The following PTPRN2 variants were observed in gnomAD, a reference collection of about 807,000 sequenced individuals.
PTPRN2 encodes the protein protein tyrosine phosphatase receptor type N2.
A neutral mutation model predicts 118.8 loss-of-function variants in PTPRN2; 74 were observed. The ratio of observed to expected loss-of-function variants is 0.62; its 90% CI spans 0.52 to 0.76. The LOEUF is 0.76. Ranked by LOEUF, PTPRN2 falls within the 30% of genes least tolerant of loss-of-function variation. The pLI, the probability that PTPRN2 is intolerant of heterozygous loss-of-function variation, is 0.00. For synonymous variants in PTPRN2, 641 were observed against 608.0 expected (o/e 1.05, Z -0.80); for missense variants, 1,481 against 1,394.4 (o/e 1.06, Z -0.99).
At chr7:158,187,219 T>A (rs1825241067) in intron 5 of PTPRN2, among the ~76,000 whole-genome samples, 1 of 152,190 alleles carries the variant, frequency 6.6e-6, no homozygotes, top group Non-Finnish European at 1.5e-5. Flanking sequence ...CCCAGTGGAA[T>A]AAAATAAAAT....
Position 157,801,739 on chromosome 7 carries a change from C to T in PTPRN2, c.1788+96934G>A, listed in dbSNP as rs889095747. Reference sequence around the variant, plus strand: ...CAGGAGAGGCGGCTGCTGAATGCCTCCACCGAGGGTTCTGGGAAGGAAAAC... The same window carrying T: ...CAGGAGAGGCGGCTGCTGAATGCCTTCACCGAGGGTTCTGGGAAGGAAAAC... On this transcript the variant is annotated intron_variant, in intron 12 of 22. Transcript: ENST00000389418. This position sits in a 1 kb window ranked among gnomAD's most constrained non-coding sequence, Gnocchi z 4.2. Among the ~76,000 whole-genome samples, 1 of 152,172 alleles carries T rather than the reference C, an allele frequency of 6.6e-6. No individual in the cohort carries two copies. The highest frequency in any genetic ancestry group is 2.4e-5 in the African/African-American group (1 of 41,440).
intron 12 of PTPRN2, among the ~76,000 whole-genome samples, chr7:157,724,236 C>A (rs1466307765): frequency 6.6e-6 from 1 of 152,192 alleles, no homozygotes; most frequent in Non-Finnish European, 1.5e-5. Flanking sequence ...TTTAGGCTAC[C>A]CCCACCTGAA....
chr7:158,164,311 G>C (rs1822689458), intron 6 of PTPRN2, among the ~76,000 whole-genome samples: 1 of 147,586 alleles, frequency 6.8e-6, no homozygotes, highest in Non-Finnish European at 1.5e-5. Context: ...CAGAGCAGGA[G>C]CGCGTGCGTA....
chr7:157,672,346 T>A (rs1036760148), intron 13 of PTPRN2, among the ~76,000 whole-genome samples: 8 of 152,206 alleles, frequency 5.3e-5, no homozygotes, highest in Admixed American at 4.6e-4. Flanking sequence ...TGTATATTTG[T>A]TCTCCTTGAA....
intron 9 of PTPRN2, among the ~76,000 whole-genome samples, chr7:158,130,914 C>CACACTCAT (rs1350563331): frequency 1.2e-4 from 18 of 150,866 alleles, no homozygotes; most frequent in African/African-American, 3.9e-4. Flanking sequence ...TACCGACACA[C>CACACTCAT]ACACTCATAC....
rs765446060 is a variant in PTPRN2, at chr7:157,604,002, G to A, written c.2418C>T (p.Ile806=). ...SHSDYINASP[I]MDHDPRNPAY... ...GCCCCTGTCCCGGCAGTGCACTTAC[G>A]ATGGGGCTAGCGTTGATGTAGTCTG... is the stretch of plus-strand genomic sequence containing the variant. The change falls in exon 16 of 23, where the codon ATC becomes ATT. Residue 806 remains isoleucine (I), a splice_region_variant and synonymous_variant. Transcript: ENST00000389418. The A allele has an allele frequency of 1.1e-5, 18 of 1,613,572 alleles. No homozygotes were observed. Among genetic ancestry groups the A allele is most frequent in the Admixed American group, 1.7e-5 (1 of 60,002 alleles).
Position 158,139,461 on chromosome 7 carries a change from G to A in PTPRN2, c.911-946C>T, listed in dbSNP as rs143411209. Among the ~76,000 whole-genome samples, 112 of 152,152 alleles carry A rather than the reference G, an allele frequency of 7.4e-4. No individual in the cohort carries two copies. In the East Asian group the frequency reaches 0.019, roughly 26 times the overall value. On this transcript the variant is annotated intron_variant, in intron 6 of 22. Transcript: ENST00000389418. ...TTCTGCAGAACCTCAGTCACCCCTG[G>A]GGCATCCAAGCCGTCGGAGTCAGGA...
intron 2 of PTPRN2, among the ~76,000 whole-genome samples, chr7:158,344,537 G>A (rs1320520281): frequency 6.6e-6 from 1 of 152,168 alleles, no homozygotes. Flanking sequence ...ACACCCTGGA[G>A]TCTGGGCTGA....
chr7:157,793,277 A>G (rs146354253), intron 12 of PTPRN2, among the ~76,000 whole-genome samples: 1 of 152,302 alleles, frequency 6.6e-6, no homozygotes, highest in East Asian at 1.9e-4. Context: ...AAGGTTTTCT[A>G]AAGGTGTTTC....
intron 21 of PTPRN2, among the ~76,000 whole-genome samples, chr7:157,555,502 ATCCTCC>A (rs1319822299): frequency 6.6e-6 from 1 of 152,180 alleles, no homozygotes; most frequent in Non-Finnish European, 1.5e-5. Flanking sequence ...CCTAGACCAC[ATCCTCC>A]CAGTAAACAG....
At chr7:158,534,537 G>A (rs1158257036) in intron 1 of PTPRN2, among the ~76,000 whole-genome samples, 2 of 152,164 alleles carry the variant, frequency 1.3e-5, no homozygotes, top group African/African-American at 2.4e-5. Flanking sequence ...CTGGCTGGAT[G>A]TCTGAACTGC....
chr7:158,334,652 A>AAGAGGTAACACCTTC (rs1805232957), intron 2 of PTPRN2, among the ~76,000 whole-genome samples: 1 of 90,056 alleles, frequency 1.1e-5, no homozygotes. Context: ...CTCTCACCAT[A>AAGAGGTAACACCTTC]ATTGGTGACA....
intron 2 of PTPRN2, among the ~76,000 whole-genome samples, chr7:158,432,225 C>T (rs906238315): frequency 1.3e-5 from 2 of 152,218 alleles, no homozygotes; most frequent in African/African-American, 2.4e-5. Context: ...CCCAGATCCT[C>T]AGGGGAACCA....
At chr7:158,062,899 C>G (rs367863002) in intron 11 of PTPRN2, among the ~76,000 whole-genome samples, 1 of 152,212 alleles carries the variant, frequency 6.6e-6, no homozygotes, top group East Asian at 1.9e-4. Flanking sequence ...CGACAAGCGC[C>G]GCCCCCTGCT....
chr7:157,820,590 C>T (rs559604758), intron 12 of PTPRN2, among the ~76,000 whole-genome samples: 13 of 149,754 alleles, frequency 8.7e-5, no homozygotes, highest in Non-Finnish European at 1.8e-4. Flanking sequence ...ACAGCAGACT[C>T]CCCCACACAC....
chr7:157,835,829 A>G (rs749515014), intron 12 of PTPRN2, among the ~76,000 whole-genome samples: 17 of 152,034 alleles, frequency 1.1e-4, no homozygotes, highest in Non-Finnish European at 2.2e-4. Context: ...AATAACAAAT[A>G]AAAACTTGTG....
intron 9 of PTPRN2, among the ~76,000 whole-genome samples, chr7:158,111,123 T>G (rs2150369308): frequency 6.6e-6 from 1 of 152,304 alleles, no homozygotes; most frequent in Non-Finnish European, 1.5e-5. Context: ...GCTGTGGGAA[T>G]CGCAAGTGGC....
chr7:157,659,240 GC>G (rs1795758808), intron 13 of PTPRN2, among the ~76,000 whole-genome samples: 1 of 148,360 alleles, frequency 6.7e-6, no homozygotes, highest in Non-Finnish European at 1.5e-5. Context: ...GGAGCCTGCA[GC>G]CCCTGTGAGA....
chr7:158,459,217 T>A (rs777872578), intron 2 of PTPRN2, among the ~76,000 whole-genome samples: 2 of 63,572 alleles, frequency 3.1e-5, no homozygotes, highest in Non-Finnish European at 6.7e-5. Context: ...ACATGCATGC[T>A]GCACCACAAC....
Sources: gnomAD v4.1 joint callset for allele counts (sites outside exome capture counted in the v4.1 genomes callset) on GRCh38, gnomAD v4.1.1 for gene constraint, Gnocchi (gnomAD v3.1) non-coding constraint, MANE v1.5 for transcripts, NCBI Gene and HGNC (gene_info 2026-07-23, HGNC 2026-07-21) for gene names.